Variants in MTBP observed in about 807,000 individuals in gnomAD.
MTBP encodes MDM2 binding protein.
A neutral mutation model predicts 117.0 loss-of-function variants in MTBP; 101 were observed. The ratio of observed to expected loss-of-function variants is 0.86; its 90% CI spans 0.73 to 1.02. MTBP has a LOEUF of 1.02. MTBP is among the 50% of genes least tolerant of loss of function. MTBP has a pLI of 0.00. For missense variants in MTBP, 970 were observed against 1,030.9 expected (o/e 0.94, Z 0.81); for synonymous variants, 350 against 351.5 (o/e 1.00, Z 0.05).
chr8:120,480,225 C>T (rs907722885), intron 11 of MTBP, among the ~76,000 whole-genome samples: 1 of 135,502 alleles, frequency 7.4e-6, no homozygotes, highest in Non-Finnish European at 1.7e-5. Context: ...ATGGCGAAAC[C>T]CCGTCTCTAC....
At chr8:120,456,021 TTG>T (rs1181797320) in intron 6 of MTBP, among the ~76,000 whole-genome samples, 5 of 152,178 alleles carry the variant, frequency 3.3e-5, no homozygotes, top group Non-Finnish European at 7.4e-5. Flanking sequence ...ACTTCATGAT[TTG>T]TTTTCATTCA....
chr8:120,446,362 T>C (rs573543121), intron 1 of MTBP, 71 bp from the exon 2 acceptor site: 28 of 893,402 alleles, frequency 3.1e-5, no homozygotes, highest in Non-Finnish European at 4.5e-5. Context: ...GAGTCTCTGA[T>C]GGTGAAATTG....
intron 11 of MTBP, among the ~76,000 whole-genome samples, chr8:120,487,209 G>A (rs1488297580): frequency 6.6e-6 from 1 of 152,156 alleles, no homozygotes; most frequent in Non-Finnish European, 1.5e-5. Context: ...TGTTTCTCAA[G>A]TTGACTTTCA....
Position 120,506,817 on chromosome 8 carries a change from T to C in MTBP, c.1839T>C (p.Asp613=). ...AKELLKYFTS[D]GLPIGDLQPL... ...AATTGCTGAAGTACTTTACCTCAGATGGATTACCCATTGGAGATCTTCAAC... is the reference window on the plus strand; with the variant it reads ...AATTGCTGAAGTACTTTACCTCAGACGGATTACCCATTGGAGATCTTCAAC... The change falls in exon 16 of 22, where the codon GAT becomes GAC. Residue 613 remains aspartate, a synonymous_variant. Transcript: ENST00000305949. The C allele has an allele frequency of 6.2e-7, 1 of 1,613,608 alleles. No individual in the cohort carries two copies. Among genetic ancestry groups the C allele is most frequent in the South Asian group, 1.1e-5 (1 of 91,020 alleles).
Position 120,470,937 on chromosome 8 carries a change from GGTAA to G in MTBP, c.1165+4_1165+7del. 2 of 1,558,484 alleles carry G rather than the reference GGTAA, an allele frequency of 1.3e-6. No individual in the cohort carries two copies. Among genetic ancestry groups the G allele is most frequent in the African/African-American group, 1.4e-5 (1 of 73,760 alleles). ...AGCTAAAAAGCCTAAAACAATCAGT[GGTAA>G]GTATTACATGTTTCGGTTGTTTTAA... On this transcript the variant is annotated splice_donor_variant and splice_donor_region_variant and intron_variant, in intron 11 of 21. Transcript: ENST00000305949. LOFTEE classifies it high-confidence loss of function.
At chr8:120,469,879 A>G (rs1483994219) in intron 10 of MTBP, among the ~76,000 whole-genome samples, 2 of 152,258 alleles carry the variant, frequency 1.3e-5, no homozygotes, top group African/African-American at 4.8e-5. Flanking sequence ...ATATCTGTGA[A>G]TTAAGAATGC....
rs1814918707 is a variant in MTBP at position 120,516,321 on chromosome 8, G to T, written c.2246+130G>T. 3 of 823,216 alleles carry T rather than the reference G, an allele frequency of 3.6e-6. No homozygotes were observed. In the East Asian group the frequency reaches 8.2e-5, roughly 22 times the overall value. 51.0% of individuals were successfully genotyped at this position (823,216 alleles called of 1,614,324 possible). On this transcript the variant is annotated intron_variant, in intron 18 of 21. Coordinates refer to ENST00000305949, the MANE Select transcript of MTBP (RefSeq NM_022045.5). The stretch of plus-strand genomic sequence containing the variant: ...CAAGAAGTTTGTTTTATGAGCTGTT[G>T]ATAATTTTGCTTATAAGTTATAAAA...
chr8:120,516,367 A>G (rs1814920043), intron 18 of MTBP, among the ~76,000 whole-genome samples, 176 bp downstream of exon 18: 1 of 151,472 alleles, frequency 6.6e-6, no homozygotes, highest in Admixed American at 6.6e-5. Flanking sequence ...TGGGAAAAAA[A>G]CACAGTTTCT....
At chr8:120,446,258 C>G (rs1234970032) in intron 1 of MTBP, among the ~76,000 whole-genome samples, 175 bp from the exon 2 acceptor site, 2 of 152,128 alleles carry the variant, frequency 1.3e-5, no homozygotes, top group Non-Finnish European at 2.9e-5. Flanking sequence ...GGAGCCTTTT[C>G]TATTTTCTCT....
At chr8:120,506,621 G>T (rs560960157) in intron 15 of MTBP, 85 bp from the exon 16 acceptor site, 2 of 1,029,442 alleles carry the variant, frequency 1.9e-6, no homozygotes, top group South Asian at 2.2e-5. Context: ...TTCTTTTCCC[G>T]ACTGTGCTTT....
intron 14 of MTBP, among the ~76,000 whole-genome samples, chr8:120,498,417 G>A (rs1400676127): frequency 1.3e-5 from 2 of 152,132 alleles, no homozygotes; most frequent in African/African-American, 4.8e-5. Flanking sequence ...TAGATTACTT[G>A]TAAATGGGGC....
In MTBP at chr8:120,504,577, A is replaced by G. The variant is rs75675962; in HGVS notation, c.1727+1968A>G. On this transcript the variant is annotated intron_variant, in intron 15 of 21. Coordinates refer to ENST00000305949, the MANE Select transcript of MTBP (RefSeq NM_022045.5). Reference sequence around the variant, plus strand: ...TTTATTTTGTCTCTAAAACTTTTACAATTTTCTATTTTCTTTAATGTTCTG... The same window carrying G: ...TTTATTTTGTCTCTAAAACTTTTACGATTTTCTATTTTCTTTAATGTTCTG... 6.2e-3 allele frequency among the ~76,000 whole-genome samples: 947 copies of G among 152,078 alleles called. 7 individuals are homozygous for G. The highest frequency in any genetic ancestry group is 0.02 in the African/African-American group (848 of 41,510).
intron 10 of MTBP, among the ~76,000 whole-genome samples, chr8:120,468,624 A>G (rs367684642): frequency 6.6e-6 from 1 of 151,702 alleles, no homozygotes; most frequent in Non-Finnish European, 1.5e-5. Context: ...TGAAGCATTC[A>G]TTGTGTGACG....
chr8:120,449,025 C>T (rs1021448580), intron 2 of MTBP, among the ~76,000 whole-genome samples: 2 of 152,120 alleles, frequency 1.3e-5, no homozygotes, highest in African/African-American at 2.4e-5. Flanking sequence ...ATGATCAGAT[C>T]TGTGCTTTTG....
rs528161529 is a variant in MTBP, at chr8:120,492,704, A to G, written c.1447+2134A>G. Among the ~76,000 whole-genome samples, 4 of 152,314 alleles carry G rather than the reference A, an allele frequency of 2.6e-5. No homozygotes were observed. The South Asian group carries it at 6.2e-4, about 24-fold the overall frequency. On this transcript the variant is annotated intron_variant, in intron 13 of 21. Coordinates refer to ENST00000305949, the MANE Select transcript of MTBP (RefSeq NM_022045.5). ...AAATTTACTCAAAAATGTACTCACT[A>G]ATAACACTATTGAGGCACTTTGTTT...
chr8:120,523,196 TGAAA>T, intron 21 of MTBP, 98 bp from the exon 22 acceptor site: 1 of 785,686 alleles, frequency 1.3e-6, no homozygotes, highest in Non-Finnish European at 2.1e-6. Context: ...CCTTTTTATT[TGAAA>T]TTTTCTACCA....
chr8:120,446,922 A>G (rs1267300760), intron 2 of MTBP, among the ~76,000 whole-genome samples: 2 of 152,112 alleles, frequency 1.3e-5, no homozygotes, highest in African/African-American at 4.8e-5. Context: ...GATTCTCTTA[A>G]AAGTACTTAA....
chr8:120,497,626 T>A lies in MTBP; in HGVS notation c.1609+72T>A, dbSNP rs1176941617. ...CTATGACATTTATTATTAAAACTTA[T>A]AAAATGTATTGGTCAAATCAAAATG... is the stretch of plus-strand genomic sequence containing the variant. On this transcript the variant is annotated intron_variant, in intron 14 of 21. Transcript: ENST00000305949. 3.3e-6 allele frequency: 3 copies of A among 898,536 alleles called. No individual in the cohort carries two copies. The African/African-American group carries it at 5.1e-5, about 15-fold the overall frequency. 55.7% of individuals were successfully genotyped at this position (898,536 alleles called of 1,614,324 possible). A position where few individuals can be genotyped will look rare whatever the true frequency, so the allele number is the denominator to read the frequency against.
intron 17 of MTBP, among the ~76,000 whole-genome samples, chr8:120,512,591 C>T (rs906163850): frequency 1.3e-5 from 2 of 152,054 alleles, no homozygotes; most frequent in Non-Finnish European, 2.9e-5. Context: ...TAAATCTACA[C>T]AGAGCTTTAT....
Sources: gnomAD v4.1 joint callset for allele counts (sites outside exome capture counted in the v4.1 genomes callset) on GRCh38, gnomAD v4.1.1 for gene constraint, MANE v1.5 for transcripts, NCBI Gene and HGNC (gene_info 2026-07-23, HGNC 2026-07-21) for gene names.